The following EYS variants were observed in gnomAD, a reference collection of about 807,000 sequenced individuals.
EYS encodes protein eyes shut homolog.
EYS carries 250 observed loss-of-function variants against 282.1 expected under a neutral mutation model. The ratio of observed to expected loss-of-function variants is 0.89; its 90% CI spans 0.80 to 0.98. The LOEUF (loss-of-function observed/expected upper bound fraction) is 0.98. Ranked by LOEUF, EYS falls within the 50% of genes least tolerant of loss-of-function variation. EYS has a pLI of 0.00. For missense variants in EYS, 4,016 were observed against 3,709.0 expected (o/e 1.08, Z -2.15); for synonymous variants, 1,355 against 1,282.9 (o/e 1.06, Z -1.20).
At chr6:64,608,167 TA>T (rs1766993830) in intron 24 of EYS, among the ~76,000 whole-genome samples, 1 of 152,166 alleles carries the variant, frequency 6.6e-6, no homozygotes, top group East Asian at 1.9e-4. Context: ...AACACCACAA[TA>T]ATTGTAATCC....
chr6:64,877,580 C>G (rs1325482378), intron 19 of EYS, among the ~76,000 whole-genome samples: 1 of 151,830 alleles, frequency 6.6e-6, no homozygotes, highest in Non-Finnish European at 1.5e-5. Flanking sequence ...TTTACATAAA[C>G]AAAATAGGTA....
intron 12 of EYS, among the ~76,000 whole-genome samples, chr6:65,196,418 G>T (rs555839514): frequency 1.3e-5 from 2 of 151,832 alleles, no homozygotes; most frequent in Non-Finnish European, 2.9e-5. Context: ...AATATGCCCC[G>T]TCCCCCTTTG....
At chr6:65,702,781 G>C (rs1484715964) in intron 1 of EYS, among the ~76,000 whole-genome samples, 1 of 151,940 alleles carries the variant, frequency 6.6e-6, no homozygotes, top group Non-Finnish European at 1.5e-5. Flanking sequence ...GTGTGTGTGG[G>C]TGTTTGTGTG....
chr6:64,247,362 C>G (rs1316084730), intron 30 of EYS, among the ~76,000 whole-genome samples: 1 of 152,134 alleles, frequency 6.6e-6, no homozygotes, highest in East Asian at 1.9e-4. Flanking sequence ...GAAGGAACTT[C>G]CTGAAGCTCA....
chr6:65,073,718 C>A (rs985396087), intron 12 of EYS, among the ~76,000 whole-genome samples: 1 of 151,450 alleles, frequency 6.6e-6, no homozygotes, highest in Non-Finnish European at 1.5e-5. Context: ...TGAGACTAGA[C>A]TTTTATTATG....
intron 35 of EYS, among the ~76,000 whole-genome samples, chr6:63,911,121 T>TTA (rs1554186840): frequency 2.1e-5 from 3 of 143,536 alleles, no homozygotes; most frequent in Admixed American, 7.0e-5. Flanking sequence ...AGTCATTGGT[T>TTA]AAAAAAAAAA....
intron 12 of EYS, among the ~76,000 whole-genome samples, chr6:65,263,753 A>C (rs1582077848): frequency 1.4e-5 from 2 of 142,920 alleles, no homozygotes; most frequent in East Asian, 3.9e-4. Flanking sequence ...TTTAAAATTA[A>C]ATAAAAAACA....
At chr6:64,125,506 C>T (rs1342532158) in intron 31 of EYS, among the ~76,000 whole-genome samples, 2 of 151,740 alleles carry the variant, frequency 1.3e-5, no homozygotes, top group Non-Finnish European at 2.9e-5. Flanking sequence ...GTCGGCCGGG[C>T]GCGGTGGCTC....
Position 65,179,253 on chromosome 6 carries a change from TA to T in EYS, c.2023+116609del, listed in dbSNP as rs560880244. On this transcript the variant is annotated intron_variant, in intron 12 of 42. Transcript: ENST00000503581. ...AAATAGAGACACAAAAAAAAACCCTTAAAAAAATCAATGAATCCAGGAGCTG... is the reference window on the plus strand; with the variant it reads ...AAATAGAGACACAAAAAAAAACCCTTAAAAAATCAATGAATCCAGGAGCTG... Among the ~76,000 whole-genome samples the T allele has an allele frequency of 5.2e-3, 796 of 151,818 alleles. 8 individuals are homozygous for T. The highest frequency in any genetic ancestry group is 0.018 in the African/African-American group (760 of 41,408).
At chr6:64,088,953 A>G (rs1772257474) in intron 31 of EYS, among the ~76,000 whole-genome samples, 1 of 151,960 alleles carries the variant, frequency 6.6e-6, no homozygotes, top group Admixed American at 6.6e-5. Context: ...TTCATATACA[A>G]GTTGATTGTA....
intron 13 of EYS, among the ~76,000 whole-genome samples, chr6:65,014,631 G>C (rs1188526194): frequency 6.6e-6 from 1 of 152,012 alleles, no homozygotes; most frequent in Non-Finnish European, 1.5e-5. Context: ...AATATGAATG[G>C]AACACAAAAT....
intron 33 of EYS, among the ~76,000 whole-genome samples, chr6:64,050,341 A>G (rs1455753054): frequency 2.0e-5 from 3 of 152,142 alleles, no homozygotes; most frequent in African/African-American, 7.2e-5. Flanking sequence ...GACTAACTAT[A>G]TACTTGTTTA....
chr6:65,347,698 C>T (rs192286943), intron 9 of EYS, among the ~76,000 whole-genome samples: 102 of 151,502 alleles, frequency 6.7e-4, no homozygotes, highest in African/African-American at 2.4e-3. Flanking sequence ...TCCATCACTT[C>T]GAGCATTTAT....
At chr6:65,462,002 C>A (rs1313628420) in intron 5 of EYS, among the ~76,000 whole-genome samples, 1 of 152,020 alleles carries the variant, frequency 6.6e-6, no homozygotes, top group Non-Finnish European at 1.5e-5. Flanking sequence ...TATTCATGAA[C>A]ACTTATAGCA....
At chr6:63,840,606 T>A (rs1693917119) in intron 36 of EYS, among the ~76,000 whole-genome samples, 1 of 152,168 alleles carries the variant, frequency 6.6e-6, no homozygotes, top group South Asian at 2.1e-4. Flanking sequence ...CTATAAAATC[T>A]TTGCCTAGAC....
At chr6:65,103,385 C>G (rs1206807594) in intron 12 of EYS, among the ~76,000 whole-genome samples, 11 of 151,408 alleles carry the variant, frequency 7.3e-5, no homozygotes, top group Admixed American at 5.9e-4. Flanking sequence ...ACTGATTTTA[C>G]CTAACATCCA....
intron 31 of EYS, among the ~76,000 whole-genome samples, chr6:64,167,864 G>A (rs1764343337): frequency 6.6e-6 from 1 of 152,110 alleles, no homozygotes; most frequent in African/African-American, 2.4e-5. Flanking sequence ...AGATATATGA[G>A]CGGCATTATG....
intron 14 of EYS, among the ~76,000 whole-genome samples, chr6:64,953,646 C>A (rs1228229188): frequency 6.6e-6 from 1 of 151,586 alleles, no homozygotes; most frequent in Non-Finnish European, 1.5e-5. Flanking sequence ...TATCTTGGTG[C>A]TTTAAATCTA....
chr6:63,886,757 T>C (rs1773271130), intron 35 of EYS, among the ~76,000 whole-genome samples: 1 of 152,124 alleles, frequency 6.6e-6, no homozygotes, highest in South Asian at 2.1e-4. Context: ...TATGAAAAGT[T>C]GAAAGTGCCC....
Sources: gnomAD v4.1 joint callset for allele counts (sites outside exome capture counted in the v4.1 genomes callset) on GRCh38, gnomAD v4.1.1 for gene constraint, MANE v1.5 for transcripts, NCBI Gene and HGNC (gene_info 2026-07-23, HGNC 2026-07-21) for gene names.